PCCA: variants seen among roughly 807,000 people sequenced by gnomAD.
PCCA encodes the protein propionyl-CoA carboxylase subunit alpha.
Under a neutral mutation model 101.3 loss-of-function variants are expected in PCCA, and 74 were observed. That is an observed-to-expected ratio of 0.73 (90% CI 0.61 to 0.89). The LOEUF (loss-of-function observed/expected upper bound fraction) is 0.89. Ranked by LOEUF, PCCA falls within the 40% of genes least tolerant of loss-of-function variation. The pLI, the probability that PCCA is intolerant of heterozygous loss-of-function variation, is 0.00. For missense variants in PCCA, 891 were observed against 907.0 expected, an observed-to-expected ratio of 0.98 and a Z score of 0.23; for synonymous variants, 294 against 313.6, an observed-to-expected ratio of 0.94 and a Z score of 0.66.
chr13:100,125,499 A>G (rs2049871302), intron 4 of PCCA, among the ~76,000 whole-genome samples: 1 of 152,218 alleles, frequency 6.6e-6, no homozygotes, highest in African/African-American at 2.4e-5. Context: ...GAGTCTGGTA[A>G]TTAGGTAATC....
chr13:100,127,404 T>C (rs1382897127), intron 4 of PCCA, among the ~76,000 whole-genome samples: 1 of 152,202 alleles, frequency 6.6e-6, no homozygotes, highest in Non-Finnish European at 1.5e-5. Context: ...ATTGTATTAA[T>C]ATATCTTTTT....
At chr13:100,243,454 A>G (rs1287284332) in intron 8 of PCCA, among the ~76,000 whole-genome samples, 1 of 152,108 alleles carries the variant, frequency 6.6e-6, no homozygotes, top group East Asian at 1.9e-4. Context: ...ATACCTGGGG[A>G]AAAAAAGGAA....
intron 20 of PCCA, among the ~76,000 whole-genome samples, chr13:100,427,884 C>T (rs1217462984): frequency 6.6e-6 from 1 of 152,094 alleles, no homozygotes; most frequent in Non-Finnish European, 1.5e-5. Flanking sequence ...ATAAATAACA[C>T]ACAGTGCTTA....
intron 21 of PCCA, among the ~76,000 whole-genome samples, chr13:100,462,161 T>C (rs1182758194): frequency 6.6e-6 from 1 of 152,190 alleles, no homozygotes; most frequent in African/African-American, 2.4e-5. Context: ...TTTTATGAAA[T>C]GGAATATAAA....
At chr13:100,262,611 G>A in intron 9 of PCCA, 118 bp from the exon 10 acceptor site, 1 of 695,604 alleles carries the variant, frequency 1.4e-6, no homozygotes, top group Non-Finnish European at 2.6e-6. Flanking sequence ...AATCGATTGT[G>A]TTTTCTTTTA....
At chr13:100,089,524 G>A (rs2046083418) in intron 1 of PCCA, among the ~76,000 whole-genome samples, 1 of 152,254 alleles carries the variant, frequency 6.6e-6, no homozygotes, top group Non-Finnish European at 1.5e-5. Flanking sequence ...CAGGCATATT[G>A]CTCGAGGTCT....
chr13:100,303,651 G>A (rs1275864017), intron 14 of PCCA, among the ~76,000 whole-genome samples: 2 of 151,984 alleles, frequency 1.3e-5, no homozygotes, highest in African/African-American at 4.8e-5. Flanking sequence ...ATGTTAGCTA[G>A]TAGATGACAA....
intron 4 of PCCA, among the ~76,000 whole-genome samples, chr13:100,136,183 G>GTTTTT (rs35796452): frequency 2.9e-5 from 3 of 102,524 alleles, no homozygotes; most frequent in Admixed American, 1.1e-4. Context: ...GTATAAAATT[G>GTTTTT]TTTTTTTTTT....
chr13:100,145,777 G>T (rs143140318), intron 4 of PCCA, among the ~76,000 whole-genome samples: 1 of 150,548 alleles, frequency 6.6e-6, no homozygotes, highest in Non-Finnish European at 1.5e-5. Context: ...CAGGAGAATC[G>T]CTTGAACCCA....
chr13:100,525,776 C>T (rs1384040058), intron 22 of PCCA, among the ~76,000 whole-genome samples: 3 of 152,198 alleles, frequency 2.0e-5, no homozygotes, highest in African/African-American at 7.2e-5. Flanking sequence ...GGACGGGGCT[C>T]TGGCCAGTCC....
chr13:100,339,953 A>G (rs2071050335), intron 17 of PCCA, among the ~76,000 whole-genome samples: 1 of 152,034 alleles, frequency 6.6e-6, no homozygotes. Flanking sequence ...CCCAATATAA[A>G]CTTCCCGTGA....
At chr13:100,521,604 A>G (rs1279133451) in intron 22 of PCCA, among the ~76,000 whole-genome samples, 2 of 152,194 alleles carry the variant, frequency 1.3e-5, no homozygotes, top group East Asian at 3.8e-4. Flanking sequence ...AGCCTATCTT[A>G]CCGGCTCAGA....
At chr13:100,459,719 G>A (rs1282096329) in intron 21 of PCCA, among the ~76,000 whole-genome samples, 1 of 152,194 alleles carries the variant, frequency 6.6e-6, no homozygotes, top group Admixed American at 6.5e-5. Flanking sequence ...TAACTGCTAA[G>A]TACAACTGCT....
At chr13:100,101,856 A>C (rs750277766) in intron 1 of PCCA, among the ~76,000 whole-genome samples, 5 of 151,702 alleles carry the variant, frequency 3.3e-5, no homozygotes, top group Non-Finnish European at 7.4e-5. Context: ...ACCTGCCTTG[A>C]CCTCCCAAAG....
At chr13:100,248,874 G>A (rs2061598475) in intron 8 of PCCA, among the ~76,000 whole-genome samples, 1 of 151,960 alleles carries the variant, frequency 6.6e-6, no homozygotes, top group Non-Finnish European at 1.5e-5. Context: ...AGCCTCCTGA[G>A]TAGCTGGGAT....
intron 4 of PCCA, among the ~76,000 whole-genome samples, chr13:100,122,317 G>A (rs575760804): frequency 1.2e-4 from 19 of 152,182 alleles, no homozygotes; most frequent in African/African-American, 4.1e-4. Context: ...TTCTTATGAT[G>A]TCTTTGCTTG....
intron 20 of PCCA, among the ~76,000 whole-genome samples, chr13:100,435,712 A>G (rs2079879388): frequency 6.6e-6 from 1 of 152,190 alleles, no homozygotes; most frequent in African/African-American, 2.4e-5. Flanking sequence ...GCAAACAATG[A>G]AGCAACAACA....
intron 4 of PCCA, among the ~76,000 whole-genome samples, chr13:100,140,450 A>G (rs369441661): frequency 1.3e-5 from 2 of 152,192 alleles, no homozygotes; most frequent in African/African-American, 2.4e-5. Context: ...TGAGATTTCC[A>G]TAATGTTGTA....
Position 100,107,728 on chromosome 13 carries a change from G to A in PCCA, c.184-4113G>A, listed in dbSNP as rs74883702. 9.2e-3 allele frequency among the ~76,000 whole-genome samples: 1,396 copies of A among 152,206 alleles called. 24 individuals are homozygous for A. Among genetic ancestry groups the A allele is most frequent in the African/African-American group, 0.023 (972 of 41,532 alleles). On this transcript the variant is annotated intron_variant, in intron 2 of 23. Transcript: ENST00000376285. ...GCCTTAGTTTTCTTATTTGTAAAAC[G>A]GAGATATTATCAGAACTGACTTCGT...
Sources: gnomAD v4.1 joint callset for allele counts (sites outside exome capture counted in the v4.1 genomes callset) on GRCh38, gnomAD v4.1.1 for gene constraint, MANE v1.5 for transcripts, NCBI Gene and HGNC (gene_info 2026-07-23, HGNC 2026-07-21) for gene names.